The following PRKCB variants were observed in gnomAD, a reference collection of about 807,000 sequenced individuals.
PRKCB encodes the protein protein kinase C beta.
PRKCB carries 13 observed loss-of-function variants against 81.5 expected under a neutral mutation model. That is an observed-to-expected ratio of 0.16 (90% confidence interval 0.10 to 0.25). The LOEUF (loss-of-function observed/expected upper bound fraction) is 0.25. Ranked by LOEUF, PRKCB falls within the 10% of genes least tolerant of loss-of-function variation. PRKCB has a pLI of 1.00. For missense variants in PRKCB, 509 were observed against 875.7 expected (o/e 0.58, Z 5.29); for synonymous variants, 335 against 321.4 (o/e 1.04, Z -0.45).
chr16:23,908,947 C>G (rs1026589656), intron 2 of PRKCB, among the ~76,000 whole-genome samples: 1 of 152,238 alleles, frequency 6.6e-6, no homozygotes, highest in Non-Finnish European at 1.5e-5. Flanking sequence ...TCCATAAACG[C>G]TGTCCAGTTT....
In PRKCB at chr16:24,042,758, G is replaced by A. The variant is rs1415917333; in HGVS notation, c.529+7211G>A. On this transcript the variant is annotated intron_variant, in intron 5 of 16. Coordinates refer to ENST00000643927, the MANE Select transcript of PRKCB (RefSeq NM_002738.7). ...TACATACAAAATTTTTTTTTTTTTT[G>A]AGACAGTCTCACTTTGTCACCCAAG... Among the ~76,000 whole-genome samples the A allele has an allele frequency of 6.9e-5, 3 of 43,586 alleles. No individual in the cohort carries two copies. In the South Asian group the frequency reaches 2.6e-3, roughly 38 times the overall value. The allele number at this position is 43,586 out of a possible 152,430, so 28.6% of individuals were successfully genotyped here.
At chr16:23,900,378 A>G (rs1433296068) in intron 2 of PRKCB, among the ~76,000 whole-genome samples, 2 of 152,194 alleles carry the variant, frequency 1.3e-5, no homozygotes, top group African/African-American at 4.8e-5. Flanking sequence ...TTCCTTTCCT[A>G]GGTATTTTTA....
rs1391368628 is a variant in PRKCB at position 24,191,433 on chromosome 16, G to A, written c.1863+203G>A. Reference sequence around the variant, plus strand: ...GGCCCAGCTTAGTCTCTATAAAGATGGAAACGACGATGCCTATTGAATTTT... The same window carrying A: ...GGCCCAGCTTAGTCTCTATAAAGATAGAAACGACGATGCCTATTGAATTTT... On this transcript the variant is annotated intron_variant, in intron 16 of 16. Transcript: ENST00000643927. 1.2e-5 allele frequency: 6 copies of A among 508,678 alleles called. 1 individual carries two copies. The highest frequency in any genetic ancestry group is 1.2e-4 in the South Asian group (3 of 25,670). The allele number at this position is 508,678 out of a possible 1,614,324, so 31.5% of individuals were successfully genotyped here.
intron 2 of PRKCB, among the ~76,000 whole-genome samples, chr16:23,943,036 C>T (rs1048009224): frequency 2.6e-5 from 4 of 152,132 alleles, no homozygotes. Flanking sequence ...AGAAATAAAA[C>T]CCAGGAAAGA....
chr16:23,988,396 G>T (rs1053516353), intron 2 of PRKCB, 112 bp from the exon 3 acceptor site: 13 of 796,766 alleles, frequency 1.6e-5, no homozygotes, highest in Admixed American at 1.2e-4. Context: ...TGGCATAAAG[G>T]CTTTACTTGT....
At chr16:24,167,689 A>T (rs985847008) in intron 10 of PRKCB, among the ~76,000 whole-genome samples, 2 of 152,108 alleles carry the variant, frequency 1.3e-5, no homozygotes, top group African/African-American at 4.8e-5. Context: ...TGAGGGGAGG[A>T]CACATCCACA....
intron 10 of PRKCB, among the ~76,000 whole-genome samples, chr16:24,157,547 C>A (rs1277604912): frequency 6.6e-6 from 1 of 151,864 alleles, no homozygotes; most frequent in Non-Finnish European, 1.5e-5. Context: ...TCTAGCCATG[C>A]TGAACTCCGA....
At chr16:23,897,718 C>T (rs1048833072) in intron 2 of PRKCB, among the ~76,000 whole-genome samples, 3 of 152,094 alleles carry the variant, frequency 2.0e-5, no homozygotes, top group Admixed American at 1.3e-4. Flanking sequence ...CTGTGAAATG[C>T]GGAGAAGACT....
intron 9 of PRKCB, among the ~76,000 whole-genome samples, chr16:24,129,923 A>T (rs1046458556): frequency 1.4e-4 from 21 of 152,338 alleles, no homozygotes; most frequent in African/African-American, 3.6e-4. Context: ...AGTTGAAATG[A>T]TTGCATAATG....
chr16:24,064,718 T>C (rs1596533962), intron 5 of PRKCB, among the ~76,000 whole-genome samples: 1 of 152,106 alleles, frequency 6.6e-6, no homozygotes, highest in East Asian at 1.9e-4. Context: ...TTCAGTTTTA[T>C]CAATTTTTGG....
intron 2 of PRKCB, among the ~76,000 whole-genome samples, chr16:23,929,435 C>A (rs1194594755): frequency 4.6e-5 from 7 of 152,076 alleles, no homozygotes; most frequent in African/African-American, 1.7e-4. Flanking sequence ...AGATTATTAA[C>A]CTCTCTGAGC....
Position 24,219,788 on chromosome 16 carries a change from C to T in PRKCB, c.*4972C>T. On this transcript the variant is annotated 3_prime_UTR_variant, in exon 17 of 17. Transcript: ENST00000643927. ...CACCACATTTCTATCCCCAAGCCAA[C>T]ATACAATGTGAAATGAAAGCCAGTG... 1 of 1,411,634 alleles carries T rather than the reference C, an allele frequency of 7.1e-7. No homozygotes were observed. Among genetic ancestry groups the T allele is most frequent in the Non-Finnish European group, 9.2e-7 (1 of 1,084,730 alleles). 87.4% of individuals were successfully genotyped at this position (1,411,634 alleles called of 1,614,324 possible).
rs190162641 is a variant in PRKCB, at chr16:23,894,211, G to T, written c.205+56805G>T. Among the ~76,000 whole-genome samples, 48 of 152,324 alleles carry T rather than the reference G, an allele frequency of 3.2e-4. No homozygotes were observed. In the East Asian group the frequency reaches 6.7e-3, roughly 21 times the overall value. ...ACAAACTTTTTTTCAAGTTTTGGTT[G>T]CATCACATTTGCTTCTGTCCCATAG... On this transcript the variant is annotated intron_variant, in intron 2 of 16. Transcript: ENST00000643927.
chr16:24,155,302 G>A (rs1405945508), intron 10 of PRKCB, among the ~76,000 whole-genome samples: 1 of 152,182 alleles, frequency 6.6e-6, no homozygotes, highest in East Asian at 1.9e-4. Flanking sequence ...AGCCCTCGAG[G>A]ACTCTCAGGG....
chr16:23,949,923 C>G (rs1237923223), intron 2 of PRKCB, among the ~76,000 whole-genome samples: 1 of 152,136 alleles, frequency 6.6e-6, no homozygotes, highest in Non-Finnish European at 1.5e-5. Flanking sequence ...TCCAGCCACC[C>G]ACACCTCTTC....
intron 9 of PRKCB, among the ~76,000 whole-genome samples, chr16:24,139,606 A>G (rs2141942369): frequency 6.6e-6 from 1 of 152,336 alleles, no homozygotes; most frequent in South Asian, 2.1e-4. Context: ...TGGCTTTCTC[A>G]GCTAGTGGGC....
intron 7 of PRKCB, 134 bp downstream of exon 7, chr16:24,094,431 T>G: frequency 8.2e-7 from 1 of 1,226,940 alleles, no homozygotes; most frequent in Non-Finnish European, 1.1e-6. Flanking sequence ...TGATTGGATC[T>G]GCCTTGCAGA....
chr16:23,904,036 G>A (rs951559038), intron 2 of PRKCB, among the ~76,000 whole-genome samples: 1 of 152,206 alleles, frequency 6.6e-6, no homozygotes, highest in Non-Finnish European at 1.5e-5. Flanking sequence ...GTTTGTGTCT[G>A]CCCTAGAACT....
intron 10 of PRKCB, among the ~76,000 whole-genome samples, chr16:24,169,237 G>A (rs761000793): frequency 2.0e-5 from 3 of 152,064 alleles, no homozygotes; most frequent in African/African-American, 4.8e-5. Flanking sequence ...CTGCTGCCTC[G>A]AGGATCACCC....
Sources: gnomAD v4.1 joint callset for allele counts (sites outside exome capture counted in the v4.1 genomes callset) on GRCh38, gnomAD v4.1.1 for gene constraint, MANE v1.5 for transcripts, NCBI Gene and HGNC (gene_info 2026-07-23, HGNC 2026-07-21) for gene names.